Variants in DLGAP1 observed in about 807,000 individuals in gnomAD.
DLGAP1 encodes the protein DLG associated protein 1.
In DLGAP1, 11 loss-of-function variants were observed where a neutral mutation model predicts 90.8. The observed-to-expected ratio is 0.12, with a 90% CI of 0.08 to 0.20. The LOEUF is 0.20. Ranked by LOEUF, DLGAP1 falls within the 10% of genes least tolerant of loss-of-function variation. The pLI, the probability that DLGAP1 is intolerant of heterozygous loss-of-function variation, is 1.00. For synonymous variants in DLGAP1, 558 were observed against 540.7 expected (o/e 1.03, Z -0.44); for missense variants, 1,050 against 1,333.8 (o/e 0.79, Z 3.31).
chr18:3,852,169 C>T (rs774771823), intron 4 of DLGAP1, among the ~76,000 whole-genome samples: 1 of 151,944 alleles, frequency 6.6e-6, no homozygotes, highest in Admixed American at 6.6e-5. Context: ...AATAAAAAAG[C>T]CTTAAATCTA....
intron 1 of DLGAP1, among the ~76,000 whole-genome samples, chr18:4,156,364 AAAT>A (rs1468387435): frequency 6.6e-6 from 1 of 152,208 alleles, no homozygotes; most frequent in African/African-American, 2.4e-5. Context: ...GGATTAAATA[AAAT>A]AATATATGTA....
chr18:4,347,203 A>T (rs1480490558), intron 1 of DLGAP1, among the ~76,000 whole-genome samples: 1 of 152,104 alleles, frequency 6.6e-6, no homozygotes, highest in Non-Finnish European at 1.5e-5. Flanking sequence ...AGAGAACATT[A>T]TTAAGGATGA....
At chr18:3,919,178 C>A (rs28661872) in intron 3 of DLGAP1, among the ~76,000 whole-genome samples, 17,713 of 152,204 alleles carry the variant, frequency 0.12, 1,901 homozygotes, top group African/African-American at 0.29. Context: ...TAATTTTAAT[C>A]TCCTTTGTAG....
At chr18:3,738,599 C>T (rs925468746) in intron 6 of DLGAP1, among the ~76,000 whole-genome samples, 9 of 152,004 alleles carry the variant, frequency 5.9e-5, no homozygotes, top group Non-Finnish European at 1.2e-4. Flanking sequence ...TGGATCCCTT[C>T]CTTACACCTT....
chr18:4,223,061 G>A (rs929492889), intron 1 of DLGAP1, among the ~76,000 whole-genome samples: 21 of 151,924 alleles, frequency 1.4e-4, no homozygotes, highest in South Asian at 4.1e-4. Flanking sequence ...TAAGACCATC[G>A]TACTAGCAAC....
intron 7 of DLGAP1, among the ~76,000 whole-genome samples, chr18:3,593,090 AC>A (rs2056373404): frequency 6.6e-6 from 1 of 151,924 alleles, no homozygotes; most frequent in South Asian, 2.1e-4. Flanking sequence ...CTCCCATCTG[AC>A]CATTAACTCA....
intron 1 of DLGAP1, among the ~76,000 whole-genome samples, chr18:4,298,061 T>C (rs2080028413): frequency 6.6e-6 from 1 of 152,100 alleles, no homozygotes; most frequent in Admixed American, 6.5e-5. Flanking sequence ...CATAAAACTG[T>C]GCAAGGCTAA....
chr18:3,743,043 TAC>T (rs1314438369), intron 5 of DLGAP1, among the ~76,000 whole-genome samples: 1 of 151,650 alleles, frequency 6.6e-6, no homozygotes, highest in East Asian at 1.9e-4. Context: ...GAACAGAACT[TAC>T]ACCTTAGCCA....
chr18:3,791,996 C>T lies in DLGAP1; in HGVS notation c.1172+22063G>A, dbSNP rs369505150. 1.1e-4 allele frequency among the ~76,000 whole-genome samples: 17 copies of T among 152,350 alleles called. No homozygotes were observed. The East Asian group carries it at 1.4e-3, about 12-fold the overall frequency. ...ATGTGTTAATCCCTGTCTGCTCCCA[C>T]GTCCACACTGGGGACCACCCCCCAC... is the stretch of plus-strand genomic sequence containing the variant. On this transcript the variant is annotated intron_variant, in intron 5 of 12. Transcript: ENST00000315677.
chr18:3,987,435 A>G (rs993151171), intron 3 of DLGAP1, among the ~76,000 whole-genome samples: 3 of 152,338 alleles, frequency 2.0e-5, no homozygotes, highest in East Asian at 1.9e-4. Context: ...CTAAAATTCA[A>G]TTATAACTGT....
At chr18:4,307,245 A>C (rs1348603965) in intron 1 of DLGAP1, among the ~76,000 whole-genome samples, 2 of 152,148 alleles carry the variant, frequency 1.3e-5, no homozygotes, top group African/African-American at 4.8e-5. Flanking sequence ...AGCATTGAAT[A>C]GTGAAGAGAT....
At chr18:4,229,366 C>A (rs2078253729) in intron 1 of DLGAP1, among the ~76,000 whole-genome samples, 1 of 151,886 alleles carries the variant, frequency 6.6e-6, no homozygotes, top group South Asian at 2.1e-4. Flanking sequence ...CCAGAATAGC[C>A]AAAGCTATCC....
At chr18:3,806,132 TAAG>T (rs2148369008) in intron 5 of DLGAP1, among the ~76,000 whole-genome samples, 1 of 152,328 alleles carries the variant, frequency 6.6e-6, no homozygotes, top group South Asian at 2.1e-4. Context: ...TCTGCATGCA[TAAG>T]AAGAATTTCT....
intron 2 of DLGAP1, among the ~76,000 whole-genome samples, chr18:4,146,429 T>C (rs779680644): frequency 2.6e-5 from 4 of 152,206 alleles, no homozygotes; most frequent in South Asian, 4.1e-4. Flanking sequence ...AGTGGACTGA[T>C]TGACTCACTC....
At chr18:3,881,730 G>A (rs532485281) in intron 3 of DLGAP1, among the ~76,000 whole-genome samples, 12 of 152,184 alleles carry the variant, frequency 7.9e-5, no homozygotes, top group Non-Finnish European at 1.3e-4. Context: ...TGGCTAACAC[G>A]GTGAAACCCC....
intron 3 of DLGAP1, among the ~76,000 whole-genome samples, chr18:3,886,459 G>A (rs1349007140): frequency 1.3e-5 from 2 of 151,912 alleles, no homozygotes; most frequent in Non-Finnish European, 2.9e-5. Context: ...TTAAAAGTGC[G>A]ATTAGATTAT....
intron 7 of DLGAP1, among the ~76,000 whole-genome samples, chr18:3,713,030 T>C (rs1340197670): frequency 6.6e-6 from 1 of 152,244 alleles, no homozygotes; most frequent in African/African-American, 2.4e-5. Context: ...GCTGTTATTC[T>C]TTTCAATCAA....
At chr18:4,322,675 A>G (rs765012477) in intron 1 of DLGAP1, among the ~76,000 whole-genome samples, 4 of 152,182 alleles carry the variant, frequency 2.6e-5, no homozygotes, top group Non-Finnish European at 5.9e-5. Context: ...AAGCTACTGC[A>G]TAGAGGCCAG....
chr18:3,594,711 G>C (rs1237751015), intron 7 of DLGAP1, among the ~76,000 whole-genome samples: 2 of 152,026 alleles, frequency 1.3e-5, no homozygotes, highest in Admixed American at 6.6e-5. Context: ...TGAGTTAAAC[G>C]GAGCAAGAGC....
Sources: gnomAD v4.1 joint callset for allele counts (sites outside exome capture counted in the v4.1 genomes callset) on GRCh38, gnomAD v4.1.1 for gene constraint, MANE v1.5 for transcripts, NCBI Gene and HGNC (gene_info 2026-07-23, HGNC 2026-07-21) for gene names.